Variants in MASP2 observed in about 807,000 individuals in gnomAD.
The protein encoded by MASP2 is MBL associated serine protease 2.
Under a neutral mutation model 57.1 loss-of-function variants are expected in MASP2, and 49 were observed. That is an observed-to-expected ratio of 0.86 (90% CI 0.68 to 1.09). The LOEUF (loss-of-function observed/expected upper bound fraction) is 1.09. Ranked by LOEUF, MASP2 falls within the 50% of genes least tolerant of loss-of-function variation. The pLI is 0.00. For missense variants in MASP2, 900 were observed against 874.8 expected, an observed-to-expected ratio of 1.03 and a Z score of -0.36; for synonymous variants, 379 against 340.8, an observed-to-expected ratio of 1.11 and a Z score of -1.24.
chr1:11,030,769 A>G lies in MASP2; in HGVS notation c.1201T>C (p.Tyr401His). ...VIQYSCEETF[Y>H]TMKVNDGKYV... is the part of the protein sequence containing the mutation. Reference sequence around the variant, plus strand: ...ATACCATCATTCACTTTCATTGTGTAGAAGGTCTCTTCACAGCTGTACTGA... The same window carrying G: ...ATACCATCATTCACTTTCATTGTGTGGAAGGTCTCTTCACAGCTGTACTGA... Residue 401 changes from tyrosine to histidine, a missense_variant, in exon 9 of 11, where the codon TAC becomes CAC. Tyr to His is a moderately conservative substitution (Grantham distance 83). Coordinates refer to ENST00000400897, the MANE Select transcript of MASP2 (RefSeq NM_006610.4). 2 of 1,611,502 alleles carry G rather than the reference A, an allele frequency of 1.2e-6. No homozygotes were observed. The highest frequency in any genetic ancestry group is 2.2e-5 in the South Asian group (2 of 90,480).
chr1:11,047,154 C>T (rs1212062555), intron 1 of MASP2, 35 bp from the exon 2 acceptor site: 15 of 1,553,032 alleles, frequency 9.7e-6, no homozygotes, highest in African/African-American at 1.4e-5. Context: ...GGGCCCAGGC[C>T]TGTGCTCCCA....
At chr1:11,037,956 C>A (rs1202035446) in intron 6 of MASP2, 145 bp from the exon 7 acceptor site, 5 of 484,400 alleles carry the variant, frequency 1.0e-5, no homozygotes, top group Non-Finnish European at 1.8e-5. Flanking sequence ...TCTTTAAAAC[C>A]AAAGGCAAGA....
chr1:11,037,596 C>T, intron 7 of MASP2, 97 bp downstream of exon 7: 2 of 734,632 alleles, frequency 2.7e-6, no homozygotes, highest in African/African-American at 1.8e-5. Flanking sequence ...TGCTGACACA[C>T]GATTTTCTCA....
chr1:11,043,628 G>T, intron 4 of MASP2, 93 bp from the exon 5 acceptor site: 1 of 865,194 alleles, frequency 1.2e-6, no homozygotes, highest in Non-Finnish European at 1.8e-6. Context: ...GCAGGAAACT[G>T]GGACAGGGAT....
intron 6 of MASP2, among the ~76,000 whole-genome samples, chr1:11,040,397 G>A (rs970049139): frequency 6.0e-5 from 9 of 149,814 alleles, no homozygotes; most frequent in African/African-American, 9.8e-5. Context: ...TGTTCCAGGA[G>A]GCAGAGGTTG....
At chr1:11,045,766 G>A in intron 3 of MASP2, 1 of 569,682 alleles carries the variant, frequency 1.8e-6, no homozygotes, top group East Asian at 2.8e-5. Flanking sequence ...TAAACCAGTG[G>A]GAGTTTCAGT....
rs1238887333 is a variant in MASP2 at position 11,046,910 on chromosome 1, C to T, written c.215G>A (p.Cys72Tyr). ...CGGCACCTTGACGAAGTCGTACTCG[C>T]AGAGGTGGGAGAGCTCCAGGTCGAA... ...THFDLELSHL[C>Y]EYDFVKLSSG... Residue 72 changes from cysteine (C) to tyrosine (Y), a missense_variant, in exon 2 of 11, where the codon TGC (cysteine) becomes TAC (tyrosine). Transcript: ENST00000400897. 5 of 1,570,110 alleles carry T rather than the reference C, an allele frequency of 3.2e-6. No individual in the cohort carries two copies. In the African/African-American group the frequency reaches 4.1e-5, roughly 13 times the overall value.
chr1:11,040,032 G>A (rs570677506), intron 6 of MASP2, among the ~76,000 whole-genome samples: 1 of 151,166 alleles, frequency 6.6e-6, no homozygotes, highest in East Asian at 2.0e-4. Context: ...TGGGTGGGTA[G>A]ATGGACAGTT....
At chr1:11,028,051 GTC>G (rs1557665066) in intron 10 of MASP2, among the ~76,000 whole-genome samples, 1 of 152,016 alleles carries the variant, frequency 6.6e-6, no homozygotes, top group Non-Finnish European at 1.5e-5. Context: ...GTGAGACCCT[GTC>G]TCTACTACAT....
intron 7 of MASP2, among the ~76,000 whole-genome samples, chr1:11,037,275 G>A (rs1223796804): frequency 1.3e-5 from 2 of 152,084 alleles, no homozygotes; most frequent in Non-Finnish European, 2.9e-5. Flanking sequence ...TTTTAGTGGA[G>A]ACGGGGTTTC....
In MASP2 at chr1:11,046,958, C is replaced by T. The variant is rs937409631; in HGVS notation, c.167G>A (p.Arg56His). The stretch of plus-strand genomic sequence containing the variant: ...GAAGTGGGTGAAGTAGAGGCGCAGG[C>T]GGTAGCCGGGGGGTGCAGTCAGGGT... ...RWTLTAPPGY[R>H]LRLYFTHFDL... The change falls in exon 2 of 11, where the codon CGC (arginine) becomes CAC (histidine). Residue 56 changes from arginine to histidine, a missense_variant. Transcript: ENST00000400897. The T allele has an allele frequency of 5.7e-6, 9 of 1,566,318 alleles. No individual in the cohort carries two copies. The highest frequency in any genetic ancestry group is 2.7e-5 in the African/African-American group (2 of 73,798).
rs1638523217 is a variant in MASP2, at chr1:11,043,451, C to T, written c.629G>A (p.Ser210Asn). 2 of 1,611,106 alleles carry T rather than the reference C, an allele frequency of 1.2e-6. No homozygotes were observed. The highest frequency in any genetic ancestry group is 1.7e-6 in the Non-Finnish European group (2 of 1,179,148). The part of the protein sequence containing the change: ...EYPRPYPKLS[S>N]CTYSISLEEG... ...CTCCAGGCTGATGCTGTAAGTGCAA[C>T]TGGAGAGTTTGGGATACGGCCGTGG... is the stretch of plus-strand genomic sequence containing the variant. The change falls in exon 5 of 11, where the codon AGT (serine) becomes AAT (asparagine). Residue 210 changes from serine (S) to asparagine (N), a missense_variant. Coordinates refer to ENST00000400897, the MANE Select transcript of MASP2 (RefSeq NM_006610.4).
intron 4 of MASP2, among the ~76,000 whole-genome samples, chr1:11,044,148 A>G (rs955837800): frequency 3.1e-4 from 47 of 152,314 alleles, no homozygotes; most frequent in African/African-American, 1.0e-3. Flanking sequence ...ACCATCCGGA[A>G]GAAGGGTCTC....
At chr1:11,044,764 CG>C in intron 4 of MASP2, 1 of 1,248,578 alleles carries the variant, frequency 8.0e-7, no homozygotes, top group Non-Finnish European at 1.1e-6. Flanking sequence ...CGCCGCCTCC[CG>C]ACCCTCCCAC....
Position 11,026,813 on chromosome 1 carries a change from C to T in MASP2, c.*72G>A, listed in dbSNP as rs999214783. On this transcript the variant is annotated 3_prime_UTR_variant, in exon 11 of 11. Transcript: ENST00000400897. ...GTCCACAGTAATGATGAATGCTTCTCGAGCCACGTCGCTGCCAAGGTCTTC... is the reference window on the plus strand; with the variant it reads ...GTCCACAGTAATGATGAATGCTTCTTGAGCCACGTCGCTGCCAAGGTCTTC... The T allele has an allele frequency of 5.8e-5, 77 of 1,331,962 alleles. 1 individual carries two copies. The South Asian group carries it at 7.0e-4, about 12-fold the overall frequency. 82.5% of individuals were successfully genotyped at this position (1,331,962 alleles called of 1,614,324 possible).
rs138687511 is a variant in MASP2 at position 11,030,775 on chromosome 1, T to A, written c.1195A>T (p.Thr399Ser). 12 of 1,611,524 alleles carry A rather than the reference T, an allele frequency of 7.4e-6. No homozygotes were observed. Among genetic ancestry groups the A allele is most frequent in the Non-Finnish European group, 9.3e-6 (11 of 1,179,436 alleles). Reference sequence around the variant, plus strand: ...TCATTCACTTTCATTGTGTAGAAGGTCTCTTCACAGCTGTACTGAATCACA... The same window carrying A: ...TCATTCACTTTCATTGTGTAGAAGGACTCTTCACAGCTGTACTGAATCACA... ...KAVIQYSCEE[T>S]FYTMKVNDGK... The change falls in exon 9 of 11, where the codon ACC (threonine) becomes TCC (serine). Residue 399 changes from threonine (T) to serine (S), a missense_variant. By Grantham distance (58) the Thr-to-Ser change is moderately conservative (BLOSUM62 1). Transcript: ENST00000400897.
intron 8 of MASP2, among the ~76,000 whole-genome samples, chr1:11,032,874 A>G (rs1025508715): frequency 2.0e-5 from 3 of 152,026 alleles, no homozygotes; most frequent in Non-Finnish European, 2.9e-5. Context: ...GCGCCACTCC[A>G]CTCCAGCCTG....
At chr1:11,034,991 T>G in intron 7 of MASP2, 85 bp from the exon 8 acceptor site, 7 of 880,834 alleles carry the variant, frequency 7.9e-6, no homozygotes, top group Middle Eastern at 3.5e-4. Context: ...GCAGTTCCTA[T>G]TCTAGTGTTT....
chr1:11,027,042 C>A lies in MASP2; in HGVS notation c.1904G>T (p.Gly635Val). The change falls in exon 11 of 11, where the codon GGG (glycine) becomes GTG (valine). Residue 635 changes from glycine (G) to valine (V), a missense_variant. Coordinates refer to ENST00000400897, the MANE Select transcript of MASP2 (RefSeq NM_006610.4). ...GKDSCRGDSGGALVFLDSETE... is the reference protein window; with the variant it reads ...GKDSCRGDSGVALVFLDSETE... ...TTCACTATCTAGAAACACCAGTGCC[C>A]CTCCGCTGTCACCTCTGCAGCTGTC... 1 of 1,595,124 alleles carries A rather than the reference C, an allele frequency of 6.3e-7. No individual in the cohort carries two copies. The highest frequency in any genetic ancestry group is 8.5e-7 in the Non-Finnish European group (1 of 1,170,684).
Sources: allele counts gnomAD v4.1 joint callset (sites outside exome capture counted in the v4.1 genomes callset), GRCh38; gene constraint gnomAD v4.1.1; transcripts MANE v1.5; gene names NCBI Gene and HGNC (gene_info 2026-07-23, HGNC 2026-07-21).